Variants in TNIK observed in about 807,000 individuals in gnomAD.
TNIK encodes the protein TRAF2 and NCK-interacting protein kinase.
Under a neutral mutation model 191.3 loss-of-function variants are expected in TNIK, and 49 were observed. The observed-to-expected ratio is 0.26, with a 90% CI of 0.20 to 0.32. The LOEUF (loss-of-function observed/expected upper bound fraction) is 0.32. Ranked by LOEUF, TNIK falls within the 10% of genes least tolerant of loss-of-function variation. The pLI is 1.00. For missense variants in TNIK, 1,155 were observed against 1,702.3 expected, an observed-to-expected ratio of 0.68 and a Z score of 5.66; for synonymous variants, 594 against 600.9, an observed-to-expected ratio of 0.99 and a Z score of 0.17.
intron 2 of TNIK, among the ~76,000 whole-genome samples, chr3:171,362,504 CAT>C (rs1191623904): frequency 5.3e-5 from 8 of 152,138 alleles, no homozygotes; most frequent in South Asian, 4.1e-4. Context: ...AGCACAAAGA[CAT>C]GTGTTTCTAA....
intron 7 of TNIK, among the ~76,000 whole-genome samples, chr3:171,181,668 AAT>A (rs1736662904): frequency 6.6e-6 from 1 of 152,224 alleles, no homozygotes; most frequent in African/African-American, 2.4e-5. Flanking sequence ...CTTGAATAAA[AAT>A]ATGATATCTG....
At chr3:171,126,264 C>A in intron 16 of TNIK, 113 bp from the exon 17 acceptor site, 1 of 1,330,880 alleles carries the variant, frequency 7.5e-7, no homozygotes, top group South Asian at 1.7e-5. Flanking sequence ...AAAAATTGGA[C>A]TATAGAGAGT....
rs1719165863 is a variant in TNIK, at chr3:171,071,470, A to AT, written c.3449-148dup. The stretch of plus-strand genomic sequence containing the variant: ...ATGAAGGTGATATTCCTGGTGTGGG[A>AT]TTTTTTCATAGATACTGATTTAGCT... On this transcript the variant is annotated intron_variant, in intron 28 of 32. Transcript: ENST00000436636. 1.4e-5 allele frequency: 9 copies of AT among 663,698 alleles called. No individual in the cohort carries two copies. The East Asian group carries it at 2.3e-4, about 17-fold the overall frequency. 41.1% of individuals were successfully genotyped at this position (663,698 alleles called of 1,614,324 possible).
chr3:171,269,280 GAATA>G (rs1748799506), intron 2 of TNIK, among the ~76,000 whole-genome samples: 1 of 152,220 alleles, frequency 6.6e-6, no homozygotes, highest in African/African-American at 2.4e-5. Context: ...CTGACTAAAT[GAATA>G]AATACATTAT....
Position 171,229,332 on chromosome 3 carries a change from G to T in TNIK, c.124-1111C>A, listed in dbSNP as rs28435400. Among the ~76,000 whole-genome samples the T allele has an allele frequency of 5.8e-3, 882 of 152,288 alleles. 11 individuals are homozygous for T. Among genetic ancestry groups the T allele is most frequent in the African/African-American group, 0.019 (773 of 41,562 alleles). ...ATAAAGGCAAGGACCATGTCTCATC[G>T]ATGTATTTCCAGTACCTGGAATAGT... On this transcript the variant is annotated intron_variant, in intron 2 of 32. Coordinates refer to ENST00000436636, the MANE Select transcript of TNIK (RefSeq NM_015028.4).
intron 3 of TNIK, among the ~76,000 whole-genome samples, chr3:171,214,117 C>T (rs1401219028): frequency 6.6e-6 from 1 of 151,884 alleles, no homozygotes; most frequent in Non-Finnish European, 1.5e-5. Context: ...CTTTTTAAGT[C>T]AGCATGCAAT....
chr3:171,202,366 T>A (rs984583047), intron 4 of TNIK, among the ~76,000 whole-genome samples: 6 of 152,092 alleles, frequency 3.9e-5, no homozygotes, highest in Non-Finnish European at 8.8e-5. Flanking sequence ...GGTGAGCCAG[T>A]TTTCAGACAG....
At chr3:171,217,712 GAATC>G (rs1462695029) in intron 3 of TNIK, among the ~76,000 whole-genome samples, 1 of 152,130 alleles carries the variant, frequency 6.6e-6, no homozygotes, top group African/African-American at 2.4e-5. Context: ...ACACAGATAT[GAATC>G]AAAGAATGAG....
chr3:171,424,915 A>G (rs1251687314), intron 1 of TNIK, among the ~76,000 whole-genome samples: 1 of 151,592 alleles, frequency 6.6e-6, no homozygotes, highest in Non-Finnish European at 1.5e-5. Context: ...GCACACCAAC[A>G]TGGCACATGT....
At chr3:171,318,765 A>G (rs984045965) in intron 2 of TNIK, among the ~76,000 whole-genome samples, 2 of 152,204 alleles carry the variant, frequency 1.3e-5, no homozygotes, top group Admixed American at 6.5e-5. Context: ...TCTTAGTTTA[A>G]GCACTAATGA....
In TNIK at chr3:171,215,669, A is replaced by G. The variant is rs11919250; in HGVS notation, c.181-4428T>C. On this transcript the variant is annotated intron_variant, in intron 3 of 32. Coordinates refer to ENST00000436636, the MANE Select transcript of TNIK (RefSeq NM_015028.4). ...AGAGAACCCTGACTTTGGTCTTCCA[A>G]TTAAAGGAGCTTGTTAGCATACAAT... Among the ~76,000 whole-genome samples, 574 of 152,306 alleles carry G rather than the reference A, an allele frequency of 3.8e-3. 3 individuals are homozygous for G. The highest frequency in any genetic ancestry group is 0.013 in the African/African-American group (530 of 41,566).
chr3:171,263,465 G>GA (rs959538307), intron 2 of TNIK, among the ~76,000 whole-genome samples: 3 of 151,788 alleles, frequency 2.0e-5, no homozygotes, highest in African/African-American at 7.2e-5. Flanking sequence ...AATTTTGAGA[G>GA]AAAAAAAGGA....
chr3:171,089,574 G>A (rs181758318), intron 23 of TNIK, among the ~76,000 whole-genome samples: 15 of 152,300 alleles, frequency 9.8e-5, no homozygotes, highest in Non-Finnish European at 1.8e-4. Flanking sequence ...GGCTCAGATA[G>A]TGAGAAGCTT....
At chr3:171,320,110 T>C (rs979870691) in intron 2 of TNIK, among the ~76,000 whole-genome samples, 1 of 152,206 alleles carries the variant, frequency 6.6e-6, no homozygotes, top group African/African-American at 2.4e-5. Flanking sequence ...TTTGCTCTCT[T>C]ATAATTGATC....
At chr3:171,375,968 C>T (rs536230160) in intron 1 of TNIK, among the ~76,000 whole-genome samples, 23 of 152,228 alleles carry the variant, frequency 1.5e-4, no homozygotes, top group South Asian at 4.2e-4. Context: ...CAACAGAATA[C>T]GGATGGCTGA....
intron 21 of TNIK, among the ~76,000 whole-genome samples, chr3:171,104,970 C>A (rs1215709620): frequency 1.3e-5 from 2 of 151,916 alleles, no homozygotes; most frequent in African/African-American, 4.8e-5. Context: ...CAGAGAAAAC[C>A]CATTTATTTT....
At chr3:171,108,191 A>G in intron 19 of TNIK, 29 bp from the exon 20 acceptor site, 1 of 1,497,754 alleles carries the variant, frequency 6.7e-7, no homozygotes, top group Non-Finnish European at 8.9e-7. Flanking sequence ...GGACCAAGAA[A>G]GAGATGGCCA....
At chr3:171,238,553 A>C (rs1437720858) in intron 2 of TNIK, among the ~76,000 whole-genome samples, 2 of 152,120 alleles carry the variant, frequency 1.3e-5, no homozygotes, top group Non-Finnish European at 2.9e-5. Flanking sequence ...GCTACTGACA[A>C]TTAGTGGGTA....
chr3:171,161,388 A>G, intron 10 of TNIK, 52 bp from the exon 11 acceptor site: 2 of 1,549,926 alleles, frequency 1.3e-6, no homozygotes, highest in Admixed American at 3.4e-5. Context: ...ATGGCTCAGT[A>G]AAGCCCAACC....
Sources: allele counts gnomAD v4.1 joint callset (sites outside exome capture counted in the v4.1 genomes callset), GRCh38; gene constraint gnomAD v4.1.1; transcripts MANE v1.5; gene names NCBI Gene and HGNC (gene_info 2026-07-23, HGNC 2026-07-21).